The following CDKAL1 variants were observed in gnomAD, a reference collection of about 807,000 sequenced individuals.
CDKAL1 encodes CDKAL1 threonylcarbamoyladenosine tRNA methylthiotransferase.
Under a neutral mutation model 68.2 loss-of-function variants are expected in CDKAL1, and 32 were observed. The ratio of observed to expected loss-of-function variants is 0.47; its 90% confidence interval spans 0.35 to 0.63. The LOEUF is 0.63. Among genes scored for constraint, CDKAL1 ranks in the 30% least tolerant of loss-of-function variants. CDKAL1 has a pLI of 0.00. For missense variants in CDKAL1, 606 were observed against 696.7 expected (o/e 0.87, Z 1.47); for synonymous variants, 234 against 244.3 (o/e 0.96, Z 0.39).
At chr6:20,698,089 T>G (rs1280050130) in intron 5 of CDKAL1, among the ~76,000 whole-genome samples, 2 of 152,202 alleles carry the variant, frequency 1.3e-5, no homozygotes, top group Non-Finnish European at 2.9e-5. Context: ...TAGTCAGTTT[T>G]GTGATGTTCC....
At chr6:20,638,529 C>G (rs1378776690) in intron 4 of CDKAL1, among the ~76,000 whole-genome samples, 1 of 151,918 alleles carries the variant, frequency 6.6e-6, no homozygotes, top group South Asian at 2.1e-4. Flanking sequence ...TCGTGAAGGG[C>G]CCTGGAAAGT....
chr6:21,142,049 A>G (rs992338733), intron 13 of CDKAL1, among the ~76,000 whole-genome samples: 3 of 152,164 alleles, frequency 2.0e-5, no homozygotes, highest in Admixed American at 2.0e-4. Context: ...CAAAAAAAAG[A>G]AGGAAGGAAA....
intron 2 of CDKAL1, among the ~76,000 whole-genome samples, chr6:20,541,643 A>G (rs1763390635): frequency 6.6e-6 from 1 of 152,066 alleles, no homozygotes; most frequent in Non-Finnish European, 1.5e-5. Flanking sequence ...GTCTAGGGAA[A>G]GGGAAGTCTG....
intron 9 of CDKAL1, among the ~76,000 whole-genome samples, chr6:20,920,036 T>C (rs1762880400): frequency 6.6e-6 from 1 of 152,168 alleles, no homozygotes; most frequent in Non-Finnish European, 1.5e-5. Flanking sequence ...TTAAGCCTAT[T>C]TTGTGCTGGA....
intron 10 of CDKAL1, among the ~76,000 whole-genome samples, chr6:20,990,542 C>T (rs1766737931): frequency 6.6e-6 from 1 of 152,188 alleles, no homozygotes; most frequent in African/African-American, 2.4e-5. Context: ...TTTCCTGTTA[C>T]AGTTAAGTTA....
chr6:20,924,040 C>T (rs577386378), intron 9 of CDKAL1, among the ~76,000 whole-genome samples: 29 of 150,962 alleles, frequency 1.9e-4, no homozygotes, highest in African/African-American at 5.8e-4. Flanking sequence ...GTAAGGAAGG[C>T]GTGTCAAAAG....
chr6:20,910,097 C>G (rs1762401084), intron 9 of CDKAL1, among the ~76,000 whole-genome samples: 1 of 152,172 alleles, frequency 6.6e-6, no homozygotes, highest in African/African-American at 2.4e-5. Flanking sequence ...ACTTCTTATA[C>G]TAATAGCTCT....
At chr6:20,987,262 CTTTTT>C (rs1392710913) in intron 10 of CDKAL1, among the ~76,000 whole-genome samples, 1 of 135,906 alleles carries the variant, frequency 7.4e-6, no homozygotes. Flanking sequence ...TGTCTGGAAA[CTTTTT>C]TTTTTTTTTT....
At chr6:21,216,949 C>T (rs992281215) in intron 15 of CDKAL1, among the ~76,000 whole-genome samples, 7 of 152,142 alleles carry the variant, frequency 4.6e-5, no homozygotes, top group African/African-American at 1.7e-4. Context: ...AGGTAATGCC[C>T]TCCTGTCTCC....
chr6:20,798,684 G>A (rs1776219209), intron 8 of CDKAL1, among the ~76,000 whole-genome samples: 1 of 146,878 alleles, frequency 6.8e-6, no homozygotes, highest in African/African-American at 2.5e-5. Flanking sequence ...AACACCGCAT[G>A]TTCTCACTCG....
intron 11 of CDKAL1, among the ~76,000 whole-genome samples, chr6:21,059,704 G>T (rs1034141112): frequency 6.6e-6 from 1 of 152,004 alleles, no homozygotes; most frequent in Non-Finnish European, 1.5e-5. Flanking sequence ...CATTCTTCAC[G>T]GTGGGAGCCA....
chr6:20,750,895 C>T (rs1272557370), intron 6 of CDKAL1, among the ~76,000 whole-genome samples: 9 of 134,280 alleles, frequency 6.7e-5, no homozygotes, highest in East Asian at 2.3e-4. Flanking sequence ...ACCCAGGAAG[C>T]GGAGGTTGCA....
chr6:20,947,598 A>AAACAG (rs1056460944), intron 9 of CDKAL1, among the ~76,000 whole-genome samples: 5 of 152,170 alleles, frequency 3.3e-5, no homozygotes, highest in African/African-American at 1.2e-4. Flanking sequence ...CTTAAAAACA[A>AAACAG]AACAAAACAA....
At chr6:20,783,937 G>A (rs567101134) in intron 8 of CDKAL1, among the ~76,000 whole-genome samples, 4 of 152,210 alleles carry the variant, frequency 2.6e-5, no homozygotes, top group South Asian at 2.1e-4. Flanking sequence ...AGTATTGGCC[G>A]GGCGTGGTGG....
chr6:20,991,681 T>C (rs557793227), intron 10 of CDKAL1, among the ~76,000 whole-genome samples: 1 of 122,594 alleles, frequency 8.2e-6, no homozygotes, highest in Non-Finnish European at 1.6e-5. Context: ...CACTCCAGCC[T>C]GGGTGACAGA....
At chr6:21,015,259 CT>C (rs1768259707) in intron 11 of CDKAL1, among the ~76,000 whole-genome samples, 1 of 152,318 alleles carries the variant, frequency 6.6e-6, no homozygotes, top group African/African-American at 2.4e-5. Flanking sequence ...ACGTGATCTG[CT>C]TTAGTCAATT....
intron 9 of CDKAL1, among the ~76,000 whole-genome samples, chr6:20,873,797 T>G (rs1760345959): frequency 6.6e-6 from 1 of 152,224 alleles, no homozygotes; most frequent in East Asian, 1.9e-4. Context: ...TTAATATTCT[T>G]TGAGCCTTAA....
intron 5 of CDKAL1, among the ~76,000 whole-genome samples, chr6:20,736,588 G>A (rs1389114616): frequency 6.6e-6 from 1 of 152,032 alleles, no homozygotes; most frequent in African/African-American, 2.4e-5. Flanking sequence ...GGCTAACACG[G>A]TGAAACCCCA....
At chr6:20,587,168 G>T (rs1765403693) in intron 4 of CDKAL1, among the ~76,000 whole-genome samples, 1 of 151,718 alleles carries the variant, frequency 6.6e-6, no homozygotes, top group Non-Finnish European at 1.5e-5. Context: ...TGTATTTTTA[G>T]TAGAGACGCG....
Sources: allele counts gnomAD v4.1 joint callset (sites outside exome capture counted in the v4.1 genomes callset), GRCh38; gene constraint gnomAD v4.1.1; transcripts MANE v1.5; gene names NCBI Gene and HGNC (gene_info 2026-07-23, HGNC 2026-07-21).